Variants in RFC3 observed in about 807,000 individuals in gnomAD.
RFC3 encodes replication factor C subunit 3, also known as A1 38 kDa subunit.
A neutral mutation model predicts 45.1 loss-of-function variants in RFC3; 41 were observed. The ratio of observed to expected loss-of-function variants is 0.91; its 90% confidence interval spans 0.71 to 1.18. The LOEUF is 1.18. Among genes scored for constraint, RFC3 ranks in the 50% most tolerant of loss-of-function variants. The probability of loss-of-function intolerance (pLI) is 0.00; values close to 1 mark genes in which losing one functional copy is unlikely to be tolerated. For missense variants in RFC3, 423 were observed against 428.1 expected (o/e 0.99, Z 0.10); for synonymous variants, 149 against 144.0 (o/e 1.03, Z -0.25).
At chr13:33,857,906 T>C (rs1048847625) in intron 8 of RFC3, among the ~76,000 whole-genome samples, 1 of 152,172 alleles carries the variant, frequency 6.6e-6, no homozygotes, top group Non-Finnish European at 1.5e-5. Context: ...TCTGGGAGTT[T>C]GGAGGTAGAC....
At chr13:33,973,216 G>A in the RFC3 span, among the ~76,000 whole-genome samples, 2 of 152,114 alleles carry the variant, frequency 1.3e-5, no homozygotes, top group African/African-American at 4.8e-5. Flanking sequence ...TTCTATAAAA[G>A]TTTGAGAATT....
chr13:33,910,018 T>TG (rs2082694696), intron 8 of RFC3, among the ~76,000 whole-genome samples: 2 of 152,038 alleles, frequency 1.3e-5, no homozygotes, highest in South Asian at 4.1e-4. Context: ...CTTATATAAG[T>TG]TTTTCAAGTT....
intron 8 of RFC3, among the ~76,000 whole-genome samples, chr13:33,945,738 G>T (rs1238612084): frequency 6.6e-6 from 1 of 152,172 alleles, no homozygotes; most frequent in Non-Finnish European, 1.5e-5. Flanking sequence ...ACTAGTTCAC[G>T]CTCAGATGAA....
intron 8 of RFC3, among the ~76,000 whole-genome samples, chr13:33,886,888 G>T (rs368120859): frequency 6.8e-6 from 1 of 147,828 alleles, no homozygotes; most frequent in Non-Finnish European, 1.5e-5. Flanking sequence ...TGCGGTGTTT[G>T]GTTTTTTGTT....
At chr13:33,837,841 C>T (rs1363573800), downstream of RFC3, among the ~76,000 whole-genome samples, 1 of 151,848 alleles carries the variant, frequency 6.6e-6, no homozygotes, top group Non-Finnish European at 1.5e-5. Context: ...ATAAATTTCA[C>T]TCTGAGTACT....
At chr13:33,910,943 T>A (rs2082700423) in intron 8 of RFC3, among the ~76,000 whole-genome samples, 1 of 151,820 alleles carries the variant, frequency 6.6e-6, no homozygotes, top group African/African-American at 2.4e-5. Flanking sequence ...AACCCTTTCA[T>A]GAGAGCAGCA....
intron 8 of RFC3, among the ~76,000 whole-genome samples, chr13:33,901,296 C>T (rs775578496): frequency 2.6e-5 from 4 of 151,828 alleles, no homozygotes; most frequent in African/African-American, 7.3e-5. Context: ...ACCTAAGTGC[C>T]CATCAATGGA....
intron 8 of RFC3, among the ~76,000 whole-genome samples, chr13:33,949,546 A>G (rs1313943214): frequency 6.6e-6 from 1 of 152,200 alleles, no homozygotes; most frequent in African/African-American, 2.4e-5. Flanking sequence ...AATGTGGCTC[A>G]CAACTCAAAC....
At chr13:33,868,237 A>G (rs567895427) in intron 8 of RFC3, among the ~76,000 whole-genome samples, 44 of 152,210 alleles carry the variant, frequency 2.9e-4, no homozygotes, top group African/African-American at 9.9e-4. Context: ...CTTCCCTTCC[A>G]TTTGTGCAGA....
chr13:33,956,147 CTT>C (rs1335358310), intron 8 of RFC3, among the ~76,000 whole-genome samples: 1 of 152,222 alleles, frequency 6.6e-6, no homozygotes, highest in East Asian at 1.9e-4. Context: ...CCCCCTCTAT[CTT>C]GCCTCCTCTT....
intron 8 of RFC3, among the ~76,000 whole-genome samples, chr13:33,949,127 A>C (rs74626668): frequency 0.065 from 9,919 of 152,102 alleles, 1,078 homozygotes; most frequent in African/African-American, 0.22. Flanking sequence ...AAGTGTGGGA[A>C]CAGGTAGAGG....
At chr13:33,922,982 T>C (rs979698438) in intron 8 of RFC3, among the ~76,000 whole-genome samples, 4 of 152,156 alleles carry the variant, frequency 2.6e-5, no homozygotes, top group East Asian at 1.9e-4. Flanking sequence ...TGGAATTTTA[T>C]TGAGTGTAGA....
chr13:33,896,789 A>G (rs578005972), intron 8 of RFC3, among the ~76,000 whole-genome samples: 1 of 151,344 alleles, frequency 6.6e-6, no homozygotes, highest in South Asian at 2.1e-4. Context: ...GTCTAGCAAC[A>G]GATTTCTCAA....
At position 33,895,691 on chromosome 13, in the gene RFC3, A is replaced by G. The variant is rs368495424; in HGVS notation, c.879+60474A>G. Among the ~76,000 whole-genome samples the G allele has an allele frequency of 1.5e-3, 233 of 152,340 alleles. 1 individual carries two copies. Among genetic ancestry groups the G allele is most frequent in the African/African-American group, 5.3e-3 (219 of 41,586 alleles). On this transcript the variant is annotated intron_variant, in intron 8 of 8. Transcript: ENST00000434425. Reference sequence around the variant, plus strand: ...ACAGGGAAAAAGTCGTTATATCATAAAGACAGCTGCACACATATGTTTACT... The same window carrying G: ...ACAGGGAAAAAGTCGTTATATCATAGAGACAGCTGCACACATATGTTTACT...
intron 8 of RFC3, among the ~76,000 whole-genome samples, chr13:33,962,784 T>C (rs913345378): frequency 1.3e-5 from 2 of 152,144 alleles, no homozygotes; most frequent in African/African-American, 4.8e-5. Flanking sequence ...TAAGACACAA[T>C]GAAGCATTGA....
intron 8 of RFC3, among the ~76,000 whole-genome samples, chr13:33,928,809 C>T (rs779354775): frequency 2.1e-4 from 32 of 150,718 alleles, no homozygotes; most frequent in Non-Finnish European, 3.5e-4. Context: ...GCAAATACTG[C>T]GTTTGAATGA....
At chr13:33,964,535 G>T (rs959270306) in intron 8 of RFC3, among the ~76,000 whole-genome samples, 3 of 152,142 alleles carry the variant, frequency 2.0e-5, no homozygotes, top group Non-Finnish European at 4.4e-5. Flanking sequence ...GGAAATAAAC[G>T]CCATAGCATC....
At chr13:33,946,173 C>T (rs1181038062) in intron 8 of RFC3, among the ~76,000 whole-genome samples, 1 of 152,172 alleles carries the variant, frequency 6.6e-6, no homozygotes, top group African/African-American at 2.4e-5. Flanking sequence ...AGCACTTTCC[C>T]ATTATTCTTT....
intron 8 of RFC3, among the ~76,000 whole-genome samples, chr13:33,898,313 G>T (rs1352782667): frequency 1.3e-5 from 2 of 151,930 alleles, no homozygotes; most frequent in African/African-American, 4.8e-5. Flanking sequence ...AATCTTTTCA[G>T]ATCACAATGG....
Sources: allele counts gnomAD v4.1 joint callset (sites outside exome capture counted in the v4.1 genomes callset), GRCh38; gene constraint gnomAD v4.1.1; transcripts MANE v1.5; gene names NCBI Gene and HGNC (gene_info 2026-07-23, HGNC 2026-07-21).